ZNF782: variants seen among roughly 807,000 people sequenced by gnomAD.
ZNF782 encodes zinc finger protein 782.
A neutral mutation model predicts 13.0 loss-of-function variants in ZNF782; 12 were observed. That is an observed-to-expected ratio of 0.92 (90% CI 0.59 to 1.50). The LOEUF (loss-of-function observed/expected upper bound fraction) is 1.50, where lower values mean the gene tolerates loss of function less well. Ranked by LOEUF, ZNF782 falls within the 40% of genes most tolerant of loss-of-function variation. ZNF782 has a pLI of 0.00. For synonymous variants in ZNF782, 284 were observed against 283.0 expected (o/e 1.00, Z -0.04); for missense variants, 770 against 822.9 (o/e 0.94, Z 0.79).
chr9:96,857,649 G>C (rs1851660344), upstream of ZNF782, among the ~76,000 whole-genome samples: 1 of 152,212 alleles, frequency 6.6e-6, no homozygotes, highest in Non-Finnish European at 1.5e-5. Flanking sequence ...AGGTTGCAGG[G>C]AGTGTGAAAA....
intron 4 of ZNF782, among the ~76,000 whole-genome samples, chr9:96,833,766 C>A (rs1850887043): frequency 6.6e-6 from 1 of 152,204 alleles, no homozygotes; most frequent in Non-Finnish European, 1.5e-5. Context: ...GGAGTAACTA[C>A]ATAAATTATT....
chr9:96,858,711 T>C (rs1224852995), upstream of ZNF782, among the ~76,000 whole-genome samples: 1 of 152,184 alleles, frequency 6.6e-6, no homozygotes, highest in East Asian at 1.9e-4. This position sits in a 1 kb window ranked among gnomAD's most constrained non-coding sequence, Gnocchi z 4.4. Context: ...TGTTTGTTTG[T>C]TTGTTTGTTT....
At chr9:96,876,356 T>C (rs940105314), upstream of ZNF782, among the ~76,000 whole-genome samples, 2 of 152,228 alleles carry the variant, frequency 1.3e-5, no homozygotes, top group Non-Finnish European at 2.9e-5. Flanking sequence ...AAAGCGAATA[T>C]GGCAAAAGGT....
the ZNF782 span, among the ~76,000 whole-genome samples, chr9:96,913,099 C>G: frequency 6.6e-6 from 1 of 150,962 alleles, no homozygotes; most frequent in Non-Finnish European, 1.5e-5. Context: ...AGGATCACTT[C>G]AGGCCAGAAG....
At chr9:96,831,881 C>A (rs981544263) in intron 4 of ZNF782, among the ~76,000 whole-genome samples, 1 of 152,076 alleles carries the variant, frequency 6.6e-6, no homozygotes, top group South Asian at 2.1e-4. Context: ...CTTTTACTTT[C>A]AATCTACCTA....
chr9:96,895,873 G>T, the ZNF782 span: 1 of 152,178 alleles, frequency 6.6e-6, no homozygotes, highest in Admixed American at 6.5e-5. Flanking sequence ...GGGCAATTAC[G>T]CTATAAAGTG....
the ZNF782 span, among the ~76,000 whole-genome samples, chr9:96,909,734 ACAATGTTTCATGCAT>A: frequency 1.2e-4 from 18 of 152,032 alleles, no homozygotes; most frequent in Middle Eastern, 3.4e-3. Flanking sequence ...CCTCATCTTA[ACAATGTTTCATGCAT>A]AAAGTCATCT....
At chr9:96,913,911 C>A in the ZNF782 span, among the ~76,000 whole-genome samples, 1 of 147,616 alleles carries the variant, frequency 6.8e-6, no homozygotes, top group Non-Finnish European at 1.5e-5. Context: ...GAGGCTGAGG[C>A]AGAAGGATTG....
At chr9:96,834,474 T>C (rs1162948724) in intron 4 of ZNF782, among the ~76,000 whole-genome samples, 1 of 152,224 alleles carries the variant, frequency 6.6e-6, no homozygotes, top group South Asian at 2.1e-4. Context: ...CACCATTCAA[T>C]GGGCGTGAGT....
chr9:96,862,114 A>G (rs1851707698), intron 1 of ZNF782, among the ~76,000 whole-genome samples: 1 of 152,234 alleles, frequency 6.6e-6, no homozygotes, highest in Admixed American at 6.5e-5. Context: ...ATTTGCAGCA[A>G]CATGGATGGA....
intron 3 of ZNF782, among the ~76,000 whole-genome samples, chr9:96,848,120 C>T (rs1167538286): frequency 6.6e-6 from 1 of 151,970 alleles, no homozygotes; most frequent in Non-Finnish European, 1.5e-5. Flanking sequence ...TCTAGTGTAC[C>T]TTTATAAAAG....
chr9:96,914,127 T>C, the ZNF782 span, among the ~76,000 whole-genome samples: 1 of 151,420 alleles, frequency 6.6e-6, no homozygotes, highest in Non-Finnish European at 1.5e-5. Flanking sequence ...TCACTTATGT[T>C]ATTTTATTTT....
At chr9:96,851,491 G>A (rs578125438) in intron 3 of ZNF782, among the ~76,000 whole-genome samples, 83 of 152,136 alleles carry the variant, frequency 5.5e-4, no homozygotes, top group Non-Finnish European at 1.0e-3. Flanking sequence ...TAACTGAACA[G>A]GGAAACAGGA....
chr9:96,867,488 A>G (rs1031629652), intron 1 of ZNF782, among the ~76,000 whole-genome samples: 2 of 149,680 alleles, frequency 1.3e-5, no homozygotes, highest in Non-Finnish European at 2.9e-5. Flanking sequence ...TTATCAGCAT[A>G]AATGCTTTAT....
intron 4 of ZNF782, among the ~76,000 whole-genome samples, chr9:96,840,384 A>G (rs1212000345): frequency 6.6e-6 from 1 of 151,980 alleles, no homozygotes; most frequent in Non-Finnish European, 1.5e-5. Context: ...CTCAAGCAAC[A>G]CTTATCTTTT....
rs1851496557 is a variant in ZNF782 at position 96,851,849 on chromosome 9, T to C, written c.15+98A>G. On this transcript the variant is annotated intron_variant, in intron 3 of 5. Transcript: ENST00000481138. Reference sequence around the variant, plus strand: ...AACTGTATATATTTTCCCTCAAGATTTACTTATCTATTTCTCCTTTTCCAT... The same window carrying C: ...AACTGTATATATTTTCCCTCAAGATCTACTTATCTATTTCTCCTTTTCCAT... 10 of 1,233,234 alleles carry C rather than the reference T, an allele frequency of 8.1e-6. No homozygotes were observed. The South Asian group carries it at 1.1e-4, about 14-fold the overall frequency. 76.4% of individuals were successfully genotyped at this position (1,233,234 alleles called of 1,614,324 possible).
chr9:96,832,715 A>G (rs1850846437), intron 4 of ZNF782, among the ~76,000 whole-genome samples: 1 of 152,150 alleles, frequency 6.6e-6, no homozygotes, highest in South Asian at 2.1e-4. Flanking sequence ...CAGAAGTAAT[A>G]TATTGTTTCC....
chr9:96,819,278 C>G lies in ZNF782; in HGVS notation c.745G>C (p.Gly249Arg). Residue 249 changes from glycine (G) to arginine (R), a missense_variant, in exon 6 of 6, where the codon GGG becomes CGG. Gly to Arg is a moderately radical substitution (Grantham distance 125). Transcript: ENST00000481138. ...GTTGATTTATCATATTTGTTTTCCC[C>G]AAATTTATTGAAATTGTAAGATTTT... is the stretch of plus-strand genomic sequence containing the variant. ...KGKSYNFNKFGENKYDKSTFI... is the reference protein window; with the variant it reads ...KGKSYNFNKFRENKYDKSTFI... 6.2e-7 allele frequency: 1 copy of G among 1,613,146 alleles called. No homozygotes were observed. Among genetic ancestry groups the G allele is most frequent in the Non-Finnish European group, 8.5e-7 (1 of 1,179,768 alleles).
chr9:96,846,670 A>T (rs914475299), intron 3 of ZNF782, among the ~76,000 whole-genome samples: 2 of 152,208 alleles, frequency 1.3e-5, no homozygotes. Flanking sequence ...TATGCACTTA[A>T]CACTGGAGGT....
Sources: gnomAD v4.1 joint callset for allele counts (sites outside exome capture counted in the v4.1 genomes callset) on GRCh38, gnomAD v4.1.1 for gene constraint, Gnocchi (gnomAD v3.1) non-coding constraint, MANE v1.5 for transcripts, NCBI Gene and HGNC (gene_info 2026-07-23, HGNC 2026-07-21) for gene names.